TNRC6C: variants seen among roughly 807,000 people sequenced by gnomAD.
The protein encoded by TNRC6C is trinucleotide repeat containing adaptor 6C.
TNRC6C carries 20 observed loss-of-function variants against 153.7 expected under a neutral mutation model. That is an observed-to-expected ratio of 0.13 (90% confidence interval 0.09 to 0.19). TNRC6C has a LOEUF of 0.19. TNRC6C is among the 10% of genes least tolerant of loss of function. The pLI, the probability that TNRC6C is intolerant of heterozygous loss-of-function variation, is 1.00. For missense variants in TNRC6C, 1,987 were observed against 2,172.0 expected, an observed-to-expected ratio of 0.91 and a Z score of 1.69; for synonymous variants, 811 against 841.4, an observed-to-expected ratio of 0.96 and a Z score of 0.63.
intron 3 of TNRC6C, among the ~76,000 whole-genome samples, chr17:78,060,080 G>A (rs1480566463): frequency 6.6e-6 from 1 of 152,090 alleles, no homozygotes; most frequent in Non-Finnish European, 1.5e-5. Flanking sequence ...AAGGGACCCC[G>A]AATCTGTAAC....
intron 1 of TNRC6C, among the ~76,000 whole-genome samples, chr17:77,967,028 G>C (rs1044613833): frequency 1.3e-5 from 2 of 152,090 alleles, no homozygotes; most frequent in African/African-American, 4.8e-5. Flanking sequence ...AGGAATAATA[G>C]ATTCTTTTTT....
exon 4 of TNRC6C, chr17:78,064,914 C>G: frequency 6.2e-7 from 1 of 1,610,874 alleles, no homozygotes; most frequent in Non-Finnish European, 8.5e-7. Context: ...GCACCTGTTG[C>G]TGCCTCAGCC....
rs12601094 is a variant in TNRC6C, at chr17:78,082,550, G to A, written c.3358-497G>A. On this transcript the variant is annotated intron_variant, in intron 10 of 19. Transcript: ENST00000301624. ...AAACAGGACATGAAACTAGATAACT[G>A]TTTAGACCACAAATTCTCAGAAGGG... Among the ~76,000 whole-genome samples, 163 of 152,250 alleles carry A rather than the reference G, an allele frequency of 1.1e-3. 4 individuals are homozygous for A. In the East Asian group the frequency reaches 0.027, roughly 25 times the overall value.
intron 9 of TNRC6C, among the ~76,000 whole-genome samples, chr17:78,078,714 TA>T (rs1312886108): frequency 1.3e-5 from 2 of 152,062 alleles, no homozygotes; most frequent in African/African-American, 4.8e-5. Context: ...CCTGTAATCC[TA>T]GCACTTTGGG....
chr17:78,085,946 C>G (rs2073273327), intron 11 of TNRC6C, among the ~76,000 whole-genome samples: 1 of 151,590 alleles, frequency 6.6e-6, no homozygotes, highest in South Asian at 2.1e-4. Flanking sequence ...CAACACTAAA[C>G]AGGTATTGAC....
At position 78,007,706 on chromosome 17, in the gene TNRC6C, C is replaced by T. The variant is rs148770822; in HGVS notation, c.-546+2627C>T. On this transcript the variant is annotated intron_variant, in intron 1 of 19. Coordinates refer to ENST00000301624, the Ensembl canonical transcript of TNRC6C. ...AAGTGTTTAGCAATTTGAGAGAGTC[C>T]GAGAGTTGGATACTCTTAAGAGAGA... 1.9e-3 allele frequency among the ~76,000 whole-genome samples: 284 copies of T among 152,200 alleles called. 1 individual carries two copies. The highest frequency in any genetic ancestry group is 0.018 in the South Asian group (88 of 4,820).
At chr17:77,995,629 C>G (rs1468602536) in intron 1 of TNRC6C, among the ~76,000 whole-genome samples, 2 of 152,162 alleles carry the variant, frequency 1.3e-5, no homozygotes, top group African/African-American at 4.8e-5. Context: ...AATAACCACT[C>G]TGTAACACAT....
chr17:77,981,113 C>T (rs2071071180), intron 1 of TNRC6C, among the ~76,000 whole-genome samples: 1 of 152,158 alleles, frequency 6.6e-6, no homozygotes, highest in Non-Finnish European at 1.5e-5. Flanking sequence ...GTAGCTGGGA[C>T]TCCAGGCACG....
chr17:78,059,472 T>C (rs924636988), intron 3 of TNRC6C, among the ~76,000 whole-genome samples: 6 of 152,188 alleles, frequency 3.9e-5, no homozygotes, highest in Non-Finnish European at 8.8e-5. Context: ...GTCCGTGGCG[T>C]GAGACGTGTG....
upstream of TNRC6C, among the ~76,000 whole-genome samples, chr17:77,958,948 A>ACCGCCGCCG (rs1243135036): frequency 1.4e-5 from 2 of 141,038 alleles, no homozygotes; most frequent in Admixed American, 6.9e-5. Flanking sequence ...CGCAGCTGCC[A>ACCGCCGCCG]CCGCCGCCGC....
intron 16 of TNRC6C, among the ~76,000 whole-genome samples, chr17:78,097,057 A>C (rs2073499964): frequency 6.6e-6 from 1 of 152,200 alleles, no homozygotes; most frequent in African/African-American, 2.4e-5. Flanking sequence ...GTATTTAAAA[A>C]GGGAATCATG....
chr17:78,039,319 C>CCT (rs543839644), intron 2 of TNRC6C, among the ~76,000 whole-genome samples: 1,938 of 149,080 alleles, frequency 0.013, 57 homozygotes, highest in African/African-American at 0.046. Context: ...GCCCCCCCCC[C>CCT]CCACTCCCTA....
chr17:78,095,130 T>C (rs760772878), intron 16 of TNRC6C, among the ~76,000 whole-genome samples: 5 of 152,180 alleles, frequency 3.3e-5, no homozygotes. Flanking sequence ...TTGGAAAGAA[T>C]CGAAGTTGCA....
intron 1 of TNRC6C, among the ~76,000 whole-genome samples, chr17:77,994,628 A>G (rs968915232): frequency 6.6e-6 from 1 of 152,178 alleles, no homozygotes; most frequent in East Asian, 1.9e-4. Flanking sequence ...TGACAGACCA[A>G]CGCTTATATG....
At chr17:78,063,258 T>C (rs1598747158) in intron 3 of TNRC6C, among the ~76,000 whole-genome samples, 1 of 147,964 alleles carries the variant, frequency 6.8e-6, no homozygotes, top group East Asian at 2.0e-4. Context: ...AATATATATA[T>C]ATATATAAAT....
In TNRC6C at chr17:78,074,638, A is replaced by T. The variant is rs73999626; in HGVS notation, c.2918-498A>T. On this transcript the variant is annotated intron_variant, in intron 7 of 19. Coordinates refer to ENST00000301624, the Ensembl canonical transcript of TNRC6C. ...ACAGTATTGTATCCCCCACATCTGG[A>T]AGAATACTTGCAGATACAGGACTCG... is the stretch of plus-strand genomic sequence containing the variant. Among the ~76,000 whole-genome samples the T allele has an allele frequency of 1.3e-3, 195 of 152,360 alleles. 1 individual carries two copies. Among genetic ancestry groups the T allele is most frequent in the African/African-American group, 4.4e-3 (182 of 41,578 alleles).
intron 1 of TNRC6C, among the ~76,000 whole-genome samples, chr17:78,015,991 C>G (rs1236017282): frequency 1.8e-4 from 27 of 152,156 alleles, no homozygotes; most frequent in Admixed American, 1.8e-3. Flanking sequence ...ATAGAAACTA[C>G]TCTAGCTGTT....
chr17:77,986,384 G>T (rs1363598020), intron 1 of TNRC6C, among the ~76,000 whole-genome samples: 1 of 144,648 alleles, frequency 6.9e-6, no homozygotes, highest in Non-Finnish European at 1.5e-5. Flanking sequence ...TTGCACTCCA[G>T]CCTGGACAAC....
chr17:78,010,904 A>G (rs1379227326), intron 1 of TNRC6C, among the ~76,000 whole-genome samples: 1 of 152,244 alleles, frequency 6.6e-6, no homozygotes, highest in Non-Finnish European at 1.5e-5. Flanking sequence ...TGAACGTATA[A>G]GTTCTTGAAC....
Sources: allele counts gnomAD v4.1 joint callset (sites outside exome capture counted in the v4.1 genomes callset), GRCh38; gene constraint gnomAD v4.1.1; transcripts MANE v1.5; gene names NCBI Gene and HGNC (gene_info 2026-07-23, HGNC 2026-07-21).